The following PARD3B variants were observed in gnomAD, a reference collection of about 807,000 sequenced individuals.
The protein encoded by PARD3B is par-3 family cell polarity regulator beta, also known as partitioning defective 3 homolog B.
In PARD3B, 103 loss-of-function variants were observed where a neutral mutation model predicts 130.2. That is an observed-to-expected ratio of 0.79 (90% confidence interval 0.67 to 0.93). The LOEUF (loss-of-function observed/expected upper bound fraction) is 0.93, where lower values mean the gene tolerates loss of function less well. PARD3B is among the 40% of genes least tolerant of loss of function. PARD3B has a pLI of 0.00. For missense variants in PARD3B, 1,609 were observed against 1,499.2 expected, an observed-to-expected ratio of 1.07 and a Z score of -1.21; for synonymous variants, 583 against 553.2, an observed-to-expected ratio of 1.05 and a Z score of -0.76.
At position 205,125,622 on chromosome 2, in the gene PARD3B, A is replaced by G. The variant is rs771452403; in HGVS notation, c.1319A>G (p.Asp440Gly). The G allele has an allele frequency of 1.2e-6, 2 of 1,614,008 alleles. No homozygotes were observed. Among genetic ancestry groups the G allele is most frequent in the Non-Finnish European group, 1.7e-6 (2 of 1,179,978 alleles). Residue 440 changes from aspartate to glycine, a missense_variant, in exon 10 of 23, where the codon GAT becomes GGT. Coordinates refer to ENST00000406610, the MANE Select transcript of PARD3B (RefSeq NM_001302769.2). The surrounding 1 kb of genome is among the most constrained non-coding windows in gnomAD (Gnocchi z 4.0). ...GDRILEVNGR[D>G]VTGRTQEELV... ...TTTATTCATTAGGTAAATGGGAGAGATGTCACCGGACGAACCCAGGAAGAG... is the reference window on the plus strand; with the variant it reads ...TTTATTCATTAGGTAAATGGGAGAGGTGTCACCGGACGAACCCAGGAAGAG...
At chr2:205,497,991 A>G (rs1386849202) in intron 20 of PARD3B, among the ~76,000 whole-genome samples, 4 of 147,230 alleles carry the variant, frequency 2.7e-5, no homozygotes, top group African/African-American at 1.0e-4. Context: ...AGCCTGGCCA[A>G]CATGGTGAAA....
At chr2:205,182,852 A>G (rs919117306) in intron 13 of PARD3B, among the ~76,000 whole-genome samples, 3 of 152,164 alleles carry the variant, frequency 2.0e-5, no homozygotes, top group Non-Finnish European at 4.4e-5. Context: ...CAGGTGATGT[A>G]GATGGGGAAA....
At chr2:205,017,393 G>A (rs1696228681) in intron 3 of PARD3B, among the ~76,000 whole-genome samples, 1 of 152,110 alleles carries the variant, frequency 6.6e-6, no homozygotes, top group East Asian at 1.9e-4. Context: ...ATTTTGCTGA[G>A]CCTCAGTTGC....
In PARD3B at chr2:204,887,832, A is replaced by G. The variant is rs1424813402; in HGVS notation, c.223-77320A>G. Among the ~76,000 whole-genome samples, 1 of 152,176 alleles carries G rather than the reference A, an allele frequency of 6.6e-6. No individual in the cohort carries two copies. Among genetic ancestry groups the G allele is most frequent in the Non-Finnish European group, 1.5e-5 (1 of 68,030 alleles). On this transcript the variant is annotated intron_variant, in intron 2 of 22. Transcript: ENST00000406610. This position sits in a 1 kb window ranked among gnomAD's most constrained non-coding sequence, Gnocchi z 4.2. Reference sequence around the variant, plus strand: ...ATACGACCAGACAGTGCATGGTGCAATGCCAGAAGTTGACACTGTCATTGG... The same window carrying G: ...ATACGACCAGACAGTGCATGGTGCAGTGCCAGAAGTTGACACTGTCATTGG...
chr2:205,526,003 G>A (rs996034172), intron 21 of PARD3B, among the ~76,000 whole-genome samples: 29 of 152,226 alleles, frequency 1.9e-4, no homozygotes, highest in African/African-American at 6.8e-4. Flanking sequence ...GTCCTTATCA[G>A]TATCAGACTT....
chr2:205,450,285 A>G (rs2048050829), intron 20 of PARD3B, among the ~76,000 whole-genome samples: 1 of 152,100 alleles, frequency 6.6e-6, no homozygotes, highest in African/African-American at 2.4e-5. Context: ...ACCATTTAAA[A>G]TAATAGGTTT....
intron 21 of PARD3B, among the ~76,000 whole-genome samples, chr2:205,509,025 A>G (rs2050486948): frequency 6.6e-6 from 1 of 151,900 alleles, no homozygotes; most frequent in Non-Finnish European, 1.5e-5. Flanking sequence ...TTTCACAGGA[A>G]TTTGTTGACA....
intron 2 of PARD3B, among the ~76,000 whole-genome samples, chr2:204,898,517 A>G (rs546552346): frequency 6.6e-6 from 1 of 152,252 alleles, no homozygotes; most frequent in South Asian, 2.1e-4. Context: ...TTGAATTCTT[A>G]AAGACTTGTT....
At chr2:205,061,494 G>C (rs2125455961) in intron 4 of PARD3B, among the ~76,000 whole-genome samples, 1 of 152,220 alleles carries the variant, frequency 6.6e-6, no homozygotes, top group South Asian at 2.1e-4. Flanking sequence ...TTGAGAAATT[G>C]ATGAGTGATT....
intron 2 of PARD3B, among the ~76,000 whole-genome samples, chr2:204,764,568 A>T (rs760819826): frequency 2.0e-5 from 3 of 152,084 alleles, no homozygotes; most frequent in Non-Finnish European, 2.9e-5. Context: ...CACAGTTTTG[A>T]TAGAAGTTTT....
chr2:205,064,103 A>G (rs1448768284), intron 4 of PARD3B, among the ~76,000 whole-genome samples: 1 of 152,226 alleles, frequency 6.6e-6, no homozygotes, highest in Non-Finnish European at 1.5e-5. Context: ...GAACATGCAC[A>G]GGTTAAATTT....
At chr2:205,252,228 C>T (rs1434601323) in intron 16 of PARD3B, among the ~76,000 whole-genome samples, 1 of 152,076 alleles carries the variant, frequency 6.6e-6, no homozygotes, top group Non-Finnish European at 1.5e-5. Flanking sequence ...GTTTCCAAAT[C>T]AAGTTTCAAA....
chr2:205,248,827 T>C (rs1013016795), intron 16 of PARD3B, among the ~76,000 whole-genome samples: 4 of 151,652 alleles, frequency 2.6e-5, no homozygotes, highest in African/African-American at 9.7e-5. Context: ...CAGGATGGTT[T>C]CGATCTCCTG....
At position 205,105,413 on chromosome 2, in the gene PARD3B, T is replaced by C. The variant is rs1703129327; in HGVS notation, c.593+899T>C. ...AAATAATTTCATATTTAATAGATGGTTACTTCAGCATTAGGTAAAGCTACT... is the reference window on the plus strand; with the variant it reads ...AAATAATTTCATATTTAATAGATGGCTACTTCAGCATTAGGTAAAGCTACT... On this transcript the variant is annotated intron_variant, in intron 5 of 22. Transcript: ENST00000406610. The surrounding 1 kb of genome is among the most constrained non-coding windows in gnomAD (Gnocchi z 4.0). Among the ~76,000 whole-genome samples the C allele has an allele frequency of 6.6e-6, 1 of 152,194 alleles. No individual in the cohort carries two copies. Among genetic ancestry groups the C allele is most frequent in the African/African-American group, 2.4e-5 (1 of 41,450 alleles).
chr2:204,754,757 A>G (rs1037949037), intron 2 of PARD3B, among the ~76,000 whole-genome samples: 7 of 152,120 alleles, frequency 4.6e-5, no homozygotes, highest in African/African-American at 1.7e-4. Context: ...ACATTTGACC[A>G]TTTGGTTTAC....
chr2:205,309,032 A>C lies in PARD3B; in HGVS notation c.2630+7331A>C, dbSNP rs1418556306. ...ATACGTTATCAGAATTTAGCACACTATGGTACTAAAGCCAAATCACTTTAT... is the reference window on the plus strand; with the variant it reads ...ATACGTTATCAGAATTTAGCACACTCTGGTACTAAAGCCAAATCACTTTAT... On this transcript the variant is annotated intron_variant, in intron 18 of 22. Transcript: ENST00000406610. This position sits in a 1 kb window ranked among gnomAD's most constrained non-coding sequence, Gnocchi z 4.7. 6.6e-6 allele frequency among the ~76,000 whole-genome samples: 1 copy of C among 152,244 alleles called. No homozygotes were observed. Among genetic ancestry groups the C allele is most frequent in the Admixed American group, 6.5e-5 (1 of 15,288 alleles).
chr2:204,877,666 T>G (rs1312747700), intron 2 of PARD3B, among the ~76,000 whole-genome samples: 1 of 152,178 alleles, frequency 6.6e-6, no homozygotes, highest in Non-Finnish European at 1.5e-5. Flanking sequence ...GAATATACCA[T>G]GACTTTCTGA....
chr2:205,491,912 T>G (rs960352155), intron 20 of PARD3B, among the ~76,000 whole-genome samples: 5 of 152,112 alleles, frequency 3.3e-5, no homozygotes, highest in African/African-American at 1.2e-4. Context: ...TCAGGATGGC[T>G]GGGGGGAGGA....
chr2:204,863,773 C>G (rs2045306183), intron 2 of PARD3B, among the ~76,000 whole-genome samples: 1 of 152,178 alleles, frequency 6.6e-6, no homozygotes, highest in South Asian at 2.1e-4. Context: ...AAAGACAGAT[C>G]TTTAGTGTAT....
Sources: gnomAD v4.1 joint callset for allele counts (sites outside exome capture counted in the v4.1 genomes callset) on GRCh38, gnomAD v4.1.1 for gene constraint, Gnocchi (gnomAD v3.1) non-coding constraint, MANE v1.5 for transcripts, NCBI Gene and HGNC (gene_info 2026-07-23, HGNC 2026-07-21) for gene names.